The following FBXO28 variants were observed in gnomAD, a reference collection of about 807,000 sequenced individuals.
The protein encoded by FBXO28 is F-box protein 28.
In FBXO28, 8 loss-of-function variants were observed where a neutral mutation model predicts 38.1. That is an observed-to-expected ratio of 0.21 (90% confidence interval 0.12 to 0.38). The LOEUF (loss-of-function observed/expected upper bound fraction) is 0.38, where lower values mean the gene tolerates loss of function less well. FBXO28 is among the 10% of genes least tolerant of loss of function. The pLI is 1.00. For missense variants in FBXO28, 345 were observed against 460.6 expected (o/e 0.75, Z 2.30); for synonymous variants, 168 against 173.8 (o/e 0.97, Z 0.26).
rs548633766 is a variant in FBXO28 at position 224,160,822 on chromosome 1, C to T, written c.*3076C>T. On this transcript the variant is annotated 3_prime_UTR_variant, in exon 5 of 5. Transcript: ENST00000366862. ...TCAAGATATATGCGCAATTATTCTA[C>T]GTGTTAAAAATGTTAAAATATTCTA... 1.2e-4 allele frequency: 18 copies of T among 152,198 alleles called. No homozygotes were observed. Among genetic ancestry groups the T allele is most frequent in the African/African-American group, 3.9e-4 (16 of 41,534 alleles). 9.4% of individuals were successfully genotyped at this position (152,198 alleles called of 1,614,324 possible).
chr1:224,156,273 A>C (rs900360048), intron 4 of FBXO28, among the ~76,000 whole-genome samples: 2 of 152,182 alleles, frequency 1.3e-5, no homozygotes, highest in African/African-American at 4.8e-5. Flanking sequence ...TCCTAAAAGA[A>C]TAGGTCCAAG....
At chr1:224,134,508 G>A (rs1047336063) in intron 3 of FBXO28, 5 of 227,248 alleles carry the variant, frequency 2.2e-5, no homozygotes, top group East Asian at 1.2e-4. Flanking sequence ...CAGAGATACA[G>A]CAATGAACAA....
intron 3 of FBXO28, among the ~76,000 whole-genome samples, chr1:224,147,837 A>AT (rs1657547869): frequency 6.6e-6 from 1 of 152,084 alleles, no homozygotes; most frequent in African/African-American, 2.4e-5. Flanking sequence ...AAAAAAAAAA[A>AT]AAAAAAAAGA....
At chr1:224,149,613 A>ATC (rs1657593104) in intron 3 of FBXO28, among the ~76,000 whole-genome samples, 1 of 118,904 alleles carries the variant, frequency 8.4e-6, no homozygotes, top group African/African-American at 2.9e-5. Context: ...TTTACTGAGT[A>ATC]TCTGCCATGT....
rs193093066 is a variant in FBXO28 at position 224,114,234 on chromosome 1, G to A, written c.105G>A (p.Pro35=). The change falls in exon 1 of 5, where the codon CCG becomes CCA. Residue 35 remains proline, a synonymous_variant. Coordinates refer to ENST00000366862, the MANE Select transcript of FBXO28 (RefSeq NM_015176.4). ...GCTCTACCCAGCGACAGCCTCCACC[G>A]CCCGCGCCACAGCACCCGCAGCCGG... ...ASGSTQRQPP[P]PAPQHPQPGS... The A allele has an allele frequency of 7.7e-6, 12 of 1,551,406 alleles. No individual in the cohort carries two copies. The East Asian group carries it at 2.4e-4, about 31-fold the overall frequency.
At chr1:224,145,103 GA>G (rs1310791833) in intron 3 of FBXO28, among the ~76,000 whole-genome samples, 1 of 151,786 alleles carries the variant, frequency 6.6e-6, no homozygotes, top group Non-Finnish European at 1.5e-5. Flanking sequence ...CCAACATGGT[GA>G]AACCCCATCT....
intron 3 of FBXO28, among the ~76,000 whole-genome samples, chr1:224,143,377 A>T (rs1029766983): frequency 6.6e-6 from 1 of 152,082 alleles, no homozygotes; most frequent in African/African-American, 2.4e-5. Flanking sequence ...GTTCATTGAC[A>T]TGTCTTAGTG....
At chr1:224,118,035 A>T (rs1558185468) in intron 1 of FBXO28, among the ~76,000 whole-genome samples, 1 of 150,354 alleles carries the variant, frequency 6.7e-6, no homozygotes, top group South Asian at 2.1e-4. Flanking sequence ...ATTTATTTTT[A>T]ATTTTTGAGA....
rs1657810341 is a variant in FBXO28 at position 224,157,959 on chromosome 1, C to T, written c.*213C>T. ...CTTTTTACTTTGCAATAGATTTGTA[C>T]TAACCAGACCTGTTCTATCATGTTT... On this transcript the variant is annotated 3_prime_UTR_variant, in exon 5 of 5. Coordinates refer to ENST00000366862, the MANE Select transcript of FBXO28 (RefSeq NM_015176.4). 1 of 1,358,390 alleles carries T rather than the reference C, an allele frequency of 7.4e-7. No homozygotes were observed. Among genetic ancestry groups the T allele is most frequent in the South Asian group, 2.0e-5 (1 of 50,936 alleles). The allele number at this position is 1,358,390 out of a possible 1,614,324, so 84.1% of individuals were successfully genotyped here. A position where few individuals can be genotyped will look rare whatever the true frequency, so the allele number is the denominator to read the frequency against.
chr1:224,137,721 C>G (rs1009778748), intron 3 of FBXO28, among the ~76,000 whole-genome samples: 1 of 151,770 alleles, frequency 6.6e-6, no homozygotes, highest in Non-Finnish European at 1.5e-5. Context: ...AAAGAAAGCT[C>G]TAGAGTTAAA....
chr1:224,118,193 C>G (rs149736307), intron 1 of FBXO28, among the ~76,000 whole-genome samples: 1 of 151,678 alleles, frequency 6.6e-6, no homozygotes, highest in Non-Finnish European at 1.5e-5. Flanking sequence ...TCAAGTGGTC[C>G]GCCCACCTCA....
At chr1:224,139,317 GTAAA>G (rs903352406) in intron 3 of FBXO28, among the ~76,000 whole-genome samples, 30 of 151,710 alleles carry the variant, frequency 2.0e-4, no homozygotes, top group African/African-American at 7.3e-4. Flanking sequence ...TTTTGTGTGT[GTAAA>G]TTTTTATTCT....
chr1:224,124,951 T>C (rs1255900135), intron 1 of FBXO28, among the ~76,000 whole-genome samples: 1 of 152,128 alleles, frequency 6.6e-6, no homozygotes, highest in Non-Finnish European at 1.5e-5. Flanking sequence ...GGTCTTGAAC[T>C]CCTAACCTCA....
chr1:224,130,593 G>C lies in FBXO28; in HGVS notation c.377+12G>C. On this transcript the variant is annotated intron_variant, in intron 2 of 4. Transcript: ENST00000366862. ...GCACAACTCCCAAGGTATGTTGTGG[G>C]TGGCAATGACAATGATGTACAGTTG... is the stretch of plus-strand genomic sequence containing the variant. 1 of 1,550,444 alleles carries C rather than the reference G, an allele frequency of 6.4e-7. No individual in the cohort carries two copies. Among genetic ancestry groups the C allele is most frequent in the Non-Finnish European group, 8.9e-7 (1 of 1,122,950 alleles).
At chr1:224,137,217 T>G (rs1170313471) in intron 3 of FBXO28, among the ~76,000 whole-genome samples, 1 of 151,814 alleles carries the variant, frequency 6.6e-6, no homozygotes, top group East Asian at 1.9e-4. Flanking sequence ...TGTACCAAAA[T>G]TTTGGACCTT....
chr1:224,148,237 A>G (rs889375677), intron 3 of FBXO28, among the ~76,000 whole-genome samples: 4 of 152,234 alleles, frequency 2.6e-5, no homozygotes, highest in Non-Finnish European at 2.9e-5. Flanking sequence ...TGGCAAAACC[A>G]CAGTTACTTT....
chr1:224,140,463 A>G (rs114095366), intron 3 of FBXO28, among the ~76,000 whole-genome samples: 1,653 of 152,286 alleles, frequency 0.011, 19 homozygotes, highest in Non-Finnish European at 0.015. Flanking sequence ...TTTGAGGGAT[A>G]TGCTTCCATT....
At chr1:224,129,063 G>A (rs573181378) in intron 1 of FBXO28, among the ~76,000 whole-genome samples, 258 of 151,786 alleles carry the variant, frequency 1.7e-3, no homozygotes, top group African/African-American at 5.8e-3. Context: ...ATTTTGGGCC[G>A]AGTGCAGTGG....
At chr1:224,130,939 T>C (rs56155342) in intron 2 of FBXO28, 2,930 of 163,584 alleles carry the variant, frequency 0.018, 103 homozygotes, top group African/African-American at 0.066. Context: ...AAGAATAATA[T>C]ACAGAAACCA....
Sources: gnomAD v4.1 joint callset for allele counts (sites outside exome capture counted in the v4.1 genomes callset) on GRCh38, gnomAD v4.1.1 for gene constraint, MANE v1.5 for transcripts, NCBI Gene and HGNC (gene_info 2026-07-23, HGNC 2026-07-21) for gene names.